Variants in CNTN4 observed in about 807,000 individuals in gnomAD.
CNTN4 encodes contactin-4.
A neutral mutation model predicts 122.5 loss-of-function variants in CNTN4; 77 were observed. The observed-to-expected ratio is 0.63, with a 90% CI of 0.52 to 0.76. The LOEUF is 0.76. Among genes scored for constraint, CNTN4 ranks in the 30% least tolerant of loss-of-function variants. CNTN4 has a pLI of 0.00. For missense variants in CNTN4, 1,256 were observed against 1,259.1 expected, an observed-to-expected ratio of 1.00 and a Z score of 0.04; for synonymous variants, 512 against 447.0, an observed-to-expected ratio of 1.15 and a Z score of -1.83.
intron 2 of CNTN4, among the ~76,000 whole-genome samples, chr3:2,255,808 A>G (rs1204932412): frequency 2.0e-5 from 3 of 152,228 alleles, no homozygotes; most frequent in Non-Finnish European, 4.4e-5. Context: ...AGGGAAATCT[A>G]TAGCACTAAG....
At chr3:2,758,072 C>T (rs1181941686) in intron 6 of CNTN4, among the ~76,000 whole-genome samples, 2 of 152,092 alleles carry the variant, frequency 1.3e-5, no homozygotes, top group Non-Finnish European at 2.9e-5. Context: ...AATCTGTTAG[C>T]TCTACCTCAT....
At chr3:2,798,942 AT>A (rs1339064581) in intron 6 of CNTN4, among the ~76,000 whole-genome samples, 1 of 152,120 alleles carries the variant, frequency 6.6e-6, no homozygotes, top group Non-Finnish European at 1.5e-5. Flanking sequence ...AGTTGTACTA[AT>A]TTACACTCCT....
At chr3:2,634,639 G>A (rs551368919) in intron 4 of CNTN4, among the ~76,000 whole-genome samples, 4 of 149,358 alleles carry the variant, frequency 2.7e-5, no homozygotes, top group Non-Finnish European at 5.9e-5. Context: ...GACCATCCTG[G>A]CTAACACGGT....
intron 3 of CNTN4, among the ~76,000 whole-genome samples, chr3:2,389,152 C>T (rs2046354761): frequency 6.6e-6 from 1 of 151,890 alleles, no homozygotes; most frequent in South Asian, 2.1e-4. Context: ...CAGAGTGAGA[C>T]TCCATCTCAA....
At chr3:2,170,144 A>G (rs35593129) in intron 2 of CNTN4, among the ~76,000 whole-genome samples, 76,101 of 149,000 alleles carry the variant, frequency 0.51, 20,167 homozygotes, top group East Asian at 0.69. Context: ...ACACGGTGAA[A>G]CCCCGTCTCT....
At chr3:2,702,031 A>T (rs1470308827) in intron 4 of CNTN4, among the ~76,000 whole-genome samples, 1 of 152,220 alleles carries the variant, frequency 6.6e-6, no homozygotes, top group African/African-American at 2.4e-5. Flanking sequence ...TTAGGCAACA[A>T]TAAGATCAAC....
chr3:2,795,491 A>G (rs2092142465), intron 6 of CNTN4, among the ~76,000 whole-genome samples: 1 of 151,622 alleles, frequency 6.6e-6, no homozygotes, highest in African/African-American at 2.4e-5. Context: ...TCGTCTTAGC[A>G]GTCTTATATT....
intron 3 of CNTN4, among the ~76,000 whole-genome samples, chr3:2,478,325 G>T (rs1180722572): frequency 2.0e-5 from 3 of 151,958 alleles, no homozygotes; most frequent in African/African-American, 7.2e-5. Flanking sequence ...GAATACCATA[G>T]AAATGCTCTT....
At chr3:2,732,503 T>TA (rs11368854) in intron 4 of CNTN4, among the ~76,000 whole-genome samples, 21,718 of 139,418 alleles carry the variant, frequency 0.16, 3,863 homozygotes, top group African/African-American at 0.44. Flanking sequence ...CTTACTGTGA[T>TA]AAAAAAAAAA....
intron 2 of CNTN4, among the ~76,000 whole-genome samples, chr3:2,307,213 A>T (rs988245314): frequency 1.3e-5 from 2 of 152,178 alleles, no homozygotes; most frequent in African/African-American, 4.8e-5. Flanking sequence ...AGGCGGGCAG[A>T]CCACAAGGTC....
intron 6 of CNTN4, among the ~76,000 whole-genome samples, chr3:2,784,393 C>A (rs543743948): frequency 6.6e-6 from 1 of 152,298 alleles, no homozygotes; most frequent in East Asian, 1.9e-4. Context: ...TCCGTTTGAT[C>A]TTCGAAACAC....
chr3:2,445,719 C>G (rs2048601267), intron 3 of CNTN4, among the ~76,000 whole-genome samples: 1 of 152,048 alleles, frequency 6.6e-6, no homozygotes, highest in African/African-American at 2.4e-5. Flanking sequence ...TATTTAACTT[C>G]TGTTTCATGA....
rs1023034043 is a variant in CNTN4 at position 2,641,552 on chromosome 3, A to C, written c.55+69994A>C. ...AACTTGATTCCCTCCCACTCCCAAC[A>C]TTTTCTGTCTTATTGTCAACTGCTT... On this transcript the variant is annotated intron_variant, in intron 4 of 24. Transcript: ENST00000418658. Among the ~76,000 whole-genome samples the C allele has an allele frequency of 5.7e-4, 86 of 151,920 alleles. 1 individual carries two copies. Among genetic ancestry groups the C allele is most frequent in the Non-Finnish European group, 1.8e-4 (12 of 67,952 alleles).
At position 2,385,196 on chromosome 3, in the gene CNTN4, T is replaced by C. The variant is rs1432712693; in HGVS notation, c.-89+45963T>C. Among the ~76,000 whole-genome samples the C allele has an allele frequency of 1.3e-5, 2 of 152,212 alleles. No individual in the cohort carries two copies. Among genetic ancestry groups the C allele is most frequent in the East Asian group, 3.9e-4 (2 of 5,190 alleles). On this transcript the variant is annotated intron_variant, in intron 3 of 24. Transcript: ENST00000418658. The surrounding 1 kb of genome is among the most constrained non-coding windows in gnomAD (Gnocchi z 4.0). ...CAACAAGGTTAATCCCAAACTCTTT[T>C]TAAAAATAATCTGTCTACTACTCAA...
chr3:2,593,089 T>TG (rs2080578873), intron 4 of CNTN4, among the ~76,000 whole-genome samples: 1 of 152,214 alleles, frequency 6.6e-6, no homozygotes, highest in Non-Finnish European at 1.5e-5. Context: ...ACTCACATGT[T>TG]GGATTTTCCC....
chr3:2,449,207 A>G (rs1319467664), intron 3 of CNTN4, among the ~76,000 whole-genome samples: 1 of 152,212 alleles, frequency 6.6e-6, no homozygotes, highest in African/African-American at 2.4e-5. Flanking sequence ...TTTCGAGATC[A>G]TTATTTGAAA....
At chr3:2,272,805 A>G (rs1419432639) in intron 2 of CNTN4, among the ~76,000 whole-genome samples, 1 of 37,330 alleles carries the variant, frequency 2.7e-5, no homozygotes, top group Admixed American at 5.2e-4. Flanking sequence ...GAAACACTAC[A>G]GAGCCTTTTT....
At chr3:2,639,240 C>G (rs1445440299) in intron 4 of CNTN4, among the ~76,000 whole-genome samples, 2 of 152,168 alleles carry the variant, frequency 1.3e-5, no homozygotes, top group Non-Finnish European at 2.9e-5. Context: ...TAACTCCTCT[C>G]CTCCTAATTC....
At chr3:2,137,992 A>C (rs889206292) in intron 2 of CNTN4, among the ~76,000 whole-genome samples, 2 of 151,966 alleles carry the variant, frequency 1.3e-5, no homozygotes, top group Non-Finnish European at 2.9e-5. Context: ...AGCTGCAAAG[A>C]GGCTGGGAAA....
Sources: gnomAD v4.1 joint callset for allele counts (sites outside exome capture counted in the v4.1 genomes callset) on GRCh38, gnomAD v4.1.1 for gene constraint, Gnocchi (gnomAD v3.1) non-coding constraint, MANE v1.5 for transcripts, NCBI Gene and HGNC (gene_info 2026-07-23, HGNC 2026-07-21) for gene names.